The following ZNF407 variants were observed in gnomAD, a reference collection of about 807,000 sequenced individuals.
ZNF407 encodes the protein zinc finger protein 407.
Under a neutral mutation model 131.2 loss-of-function variants are expected in ZNF407, and 17 were observed. The observed-to-expected ratio is 0.13, with a 90% confidence interval of 0.09 to 0.19. The LOEUF (loss-of-function observed/expected upper bound fraction) is 0.19. Among genes scored for constraint, ZNF407 ranks in the 10% least tolerant of loss-of-function variants. ZNF407 has a pLI of 1.00. For synonymous variants in ZNF407, 1,156 were observed against 1,062.0 expected, an observed-to-expected ratio of 1.09 and a Z score of -1.72; for missense variants, 2,681 against 2,830.6, an observed-to-expected ratio of 0.95 and a Z score of 1.20.
intron 3 of ZNF407, among the ~76,000 whole-genome samples, chr18:74,720,514 C>A (rs1180454634): frequency 6.6e-6 from 1 of 151,790 alleles, no homozygotes; most frequent in East Asian, 1.9e-4. Flanking sequence ...TTGATACCAT[C>A]CTATTTATTT....
intron 3 of ZNF407, among the ~76,000 whole-genome samples, chr18:74,687,502 G>C (rs928172589): frequency 3.9e-5 from 6 of 152,026 alleles, no homozygotes; most frequent in African/African-American, 1.4e-4. Flanking sequence ...CCTTGAAAAA[G>C]CCTCTGAGAG....
At chr18:74,837,261 G>A (rs958058914) in intron 4 of ZNF407, among the ~76,000 whole-genome samples, 12 of 151,558 alleles carry the variant, frequency 7.9e-5, no homozygotes, top group South Asian at 4.2e-4. Flanking sequence ...CCTTTTGTTC[G>A]CTTTACTACT....
intron 4 of ZNF407, among the ~76,000 whole-genome samples, chr18:74,782,785 A>AT (rs1183483478): frequency 1.3e-5 from 2 of 151,722 alleles, no homozygotes; most frequent in Non-Finnish European, 2.9e-5. Context: ...CCTCCGGCTA[A>AT]TTTTTTTGTA....
intron 3 of ZNF407, among the ~76,000 whole-genome samples, chr18:74,747,875 A>G (rs1161516185): frequency 6.6e-6 from 1 of 152,166 alleles, no homozygotes; most frequent in Admixed American, 6.6e-5. Flanking sequence ...AAATCACTTC[A>G]TACATTTATA....
intron 8 of ZNF407, among the ~76,000 whole-genome samples, chr18:74,957,852 G>A (rs1972294254): frequency 6.6e-6 from 1 of 152,172 alleles, no homozygotes; most frequent in African/African-American, 2.4e-5. Context: ...CTCAACAAGC[G>A]GCAGCCCTCC....
intron 4 of ZNF407, among the ~76,000 whole-genome samples, chr18:74,825,650 G>C (rs541538177): frequency 4.5e-4 from 68 of 152,246 alleles, no homozygotes; most frequent in African/African-American, 1.5e-3. Context: ...CCGGGTTGTG[G>C]CTCTGTGTGT....
chr18:74,893,031 C>A (rs1273085557), intron 7 of ZNF407, among the ~76,000 whole-genome samples: 1 of 152,020 alleles, frequency 6.6e-6, no homozygotes, highest in Non-Finnish European at 1.5e-5. Flanking sequence ...TTCAGGTTTT[C>A]TTGGTTTGAA....
chr18:74,860,198 C>T (rs1240006807), intron 4 of ZNF407, among the ~76,000 whole-genome samples: 1 of 151,670 alleles, frequency 6.6e-6, no homozygotes, highest in Non-Finnish European at 1.5e-5. Flanking sequence ...ACCTAGCTTC[C>T]CAGAAGGAGG....
chr18:74,604,879 T>G (rs900386645), intron 1 of ZNF407, among the ~76,000 whole-genome samples: 1 of 152,158 alleles, frequency 6.6e-6, no homozygotes, highest in Non-Finnish European at 1.5e-5. Context: ...CGAAGCATGG[T>G]GTCCCCATCA....
At chr18:74,886,132 A>C (rs1971305270) in intron 6 of ZNF407, among the ~76,000 whole-genome samples, 1 of 152,190 alleles carries the variant, frequency 6.6e-6, no homozygotes, top group Non-Finnish European at 1.5e-5. Context: ...CTGAGAAAAC[A>C]ACCTTTTAAA....
chr18:74,667,176 T>C (rs958918908), intron 3 of ZNF407, among the ~76,000 whole-genome samples: 4 of 152,234 alleles, frequency 2.6e-5, no homozygotes, highest in African/African-American at 9.6e-5. Context: ...CACCTGCGTC[T>C]GTGCTGGGGC....
At chr18:74,962,684 C>T (rs573629168) in intron 8 of ZNF407, among the ~76,000 whole-genome samples, 9 of 152,252 alleles carry the variant, frequency 5.9e-5, no homozygotes, top group African/African-American at 1.4e-4. Flanking sequence ...GCACCCTCTT[C>T]CCTCTCCTGG....
At chr18:74,957,509 G>T (rs1422957751) in intron 8 of ZNF407, among the ~76,000 whole-genome samples, 1 of 151,932 alleles carries the variant, frequency 6.6e-6, no homozygotes, top group African/African-American at 2.4e-5. Context: ...ACAGGAGAGG[G>T]TTACAATCTG....
Position 75,038,038 on chromosome 18 carries a change from CTAAT to C in ZNF407, c.5429-25108_5429-25105del, listed in dbSNP as rs1310150473. On this transcript the variant is annotated intron_variant, in intron 8 of 8. Transcript: ENST00000299687. ...TAATCAGCAAATCATAACGTGAAGA[CTAAT>C]TAACTTCAAACTCAAATCTTAACAG... is the stretch of plus-strand genomic sequence containing the variant. Among the ~76,000 whole-genome samples, 6 of 152,268 alleles carry C rather than the reference CTAAT, an allele frequency of 3.9e-5. No homozygotes were observed. The South Asian group carries it at 6.2e-4, about 16-fold the overall frequency.
At chr18:74,663,905 C>A (rs1599050997) in intron 3 of ZNF407, among the ~76,000 whole-genome samples, 1 of 152,164 alleles carries the variant, frequency 6.6e-6, no homozygotes, top group African/African-American at 2.4e-5. Context: ...CGGCCTGGAC[C>A]CGGAAGGTAG....
At chr18:74,691,273 C>T (rs551282445) in intron 3 of ZNF407, among the ~76,000 whole-genome samples, 1 of 151,530 alleles carries the variant, frequency 6.6e-6, no homozygotes, top group African/African-American at 2.4e-5. Context: ...GAGCAAAACT[C>T]TGTCTCAAAA....
intron 4 of ZNF407, among the ~76,000 whole-genome samples, chr18:74,852,000 G>A (rs559875526): frequency 9.2e-5 from 14 of 152,302 alleles, no homozygotes; most frequent in African/African-American, 2.6e-4. Flanking sequence ...GGTAGCAGCC[G>A]CATGGCAGTG....
At chr18:74,846,896 AG>A (rs1338595381) in intron 4 of ZNF407, among the ~76,000 whole-genome samples, 2 of 151,844 alleles carry the variant, frequency 1.3e-5, no homozygotes, top group African/African-American at 4.8e-5. Context: ...CGGGAGGCTG[AG>A]GCAGGAGAAT....
At chr18:74,929,256 C>G (rs937288332) in intron 8 of ZNF407, among the ~76,000 whole-genome samples, 1 of 152,220 alleles carries the variant, frequency 6.6e-6, no homozygotes. Flanking sequence ...GCTTCCTTCC[C>G]GGCTCCCTTC....
Sources: allele counts gnomAD v4.1 joint callset (sites outside exome capture counted in the v4.1 genomes callset), GRCh38; gene constraint gnomAD v4.1.1; transcripts MANE v1.5; gene names NCBI Gene and HGNC (gene_info 2026-07-23, HGNC 2026-07-21).